The following CTXND1 variants were observed in gnomAD, a reference collection of about 807,000 sequenced individuals.
CTXND1 encodes the protein cortexin domain-containing 1 protein.
intron 1 of CTXND1, among the ~76,000 whole-genome samples, chr15:80,246,190 A>G (rs1193575191): frequency 6.6e-6 from 1 of 152,216 alleles, no homozygotes; most frequent in Non-Finnish European, 1.5e-5. Flanking sequence ...CTCAGCTGTT[A>G]AGCTACTAAA....
At chr15:80,221,539 C>T (rs1004649854) in intron 1 of CTXND1, among the ~76,000 whole-genome samples, 1 of 152,070 alleles carries the variant, frequency 6.6e-6, no homozygotes, top group African/African-American at 2.4e-5. Flanking sequence ...GGTATGATAG[C>T]GCCCCTGCAC....
At chr15:80,214,086 A>G (rs28757709) in intron 1 of CTXND1, among the ~76,000 whole-genome samples, 10 of 152,048 alleles carry the variant, frequency 6.6e-5, no homozygotes, top group Admixed American at 6.5e-5. Flanking sequence ...AATTACCTAT[A>G]GTAAGAGCTT....
At chr15:80,250,598 G>T (rs1595912296) in intron 1 of CTXND1, among the ~76,000 whole-genome samples, 1 of 152,144 alleles carries the variant, frequency 6.6e-6, no homozygotes, top group East Asian at 1.9e-4. Context: ...TGATTACACA[G>T]AATAAATAAA....
intron 1 of CTXND1, among the ~76,000 whole-genome samples, chr15:80,249,628 A>T: frequency 6.6e-6 from 1 of 152,212 alleles, no homozygotes; most frequent in Non-Finnish European, 1.5e-5. Context: ...TGGCTTGCTT[A>T]AGGTCATCTG....
chr15:80,224,480 T>C (rs1364860566), intron 1 of CTXND1, among the ~76,000 whole-genome samples: 1 of 152,234 alleles, frequency 6.6e-6, no homozygotes. Flanking sequence ...TCTATTTAAG[T>C]CTTGAAATCT....
At chr15:80,221,405 C>A (rs541768497) in intron 1 of CTXND1, among the ~76,000 whole-genome samples, 3 of 152,168 alleles carry the variant, frequency 2.0e-5, no homozygotes, top group Admixed American at 2.0e-4. Flanking sequence ...AGAAATATTA[C>A]TAATCTTTCA....
chr15:80,228,034 C>T (rs1164127239), intron 1 of CTXND1, among the ~76,000 whole-genome samples: 1 of 152,226 alleles, frequency 6.6e-6, no homozygotes, highest in Non-Finnish European at 1.5e-5. Flanking sequence ...ATTCTAAATC[C>T]TTGGATGTCA....
intron 1 of CTXND1, among the ~76,000 whole-genome samples, chr15:80,234,214 G>A (rs1893466363): frequency 6.6e-6 from 1 of 152,202 alleles, no homozygotes; most frequent in African/African-American, 2.4e-5. Flanking sequence ...GGAAGGCTTT[G>A]GGGATACGGA....
intron 1 of CTXND1, among the ~76,000 whole-genome samples, chr15:80,216,024 T>C (rs1429992183): frequency 3.9e-5 from 6 of 152,242 alleles, no homozygotes; most frequent in Admixed American, 2.0e-4. Flanking sequence ...CAGAAAGATA[T>C]GTTAGCTATG....
At chr15:80,240,420 T>C (rs1180731271) in intron 1 of CTXND1, among the ~76,000 whole-genome samples, 1 of 152,200 alleles carries the variant, frequency 6.6e-6, no homozygotes, top group Non-Finnish European at 1.5e-5. Context: ...GATTGGAACA[T>C]GGCGTAGGTC....
intron 1 of CTXND1, among the ~76,000 whole-genome samples, chr15:80,232,166 G>A (rs1411424727): frequency 6.6e-6 from 1 of 152,164 alleles, no homozygotes; most frequent in Non-Finnish European, 1.5e-5. Context: ...GATCAATGGA[G>A]AGATGAGGAG....
At chr15:80,217,201 C>T (rs978923491) in intron 1 of CTXND1, among the ~76,000 whole-genome samples, 3 of 152,132 alleles carry the variant, frequency 2.0e-5, no homozygotes, top group Non-Finnish European at 4.4e-5. Flanking sequence ...TGAATAGCAA[C>T]ATATCAAGCC....
intron 1 of CTXND1, among the ~76,000 whole-genome samples, chr15:80,231,055 C>T (rs1015131012): frequency 1.3e-5 from 2 of 149,966 alleles, no homozygotes; most frequent in African/African-American, 2.5e-5. Context: ...AAGATTCCAT[C>T]TCAAAAAAAG....
intron 1 of CTXND1, among the ~76,000 whole-genome samples, chr15:80,233,620 A>T (rs1205222765): frequency 1.3e-5 from 2 of 152,116 alleles, no homozygotes; most frequent in Admixed American, 1.3e-4. Flanking sequence ...GTGAGCTCAG[A>T]GGGCTGGGGG....
chr15:80,240,280 A>AGG (rs60183335), intron 1 of CTXND1, among the ~76,000 whole-genome samples: 1 of 152,114 alleles, frequency 6.6e-6, no homozygotes, highest in Admixed American at 6.5e-5. Flanking sequence ...TACTTTATTA[A>AGG]GGGGGGTCCC....
At position 80,201,913 on chromosome 15, in the gene CTXND1, C is replaced by T. The variant is rs1595902554; in HGVS notation, c.37G>A (p.Val13Ile). Residue 13 changes from valine to isoleucine, a missense_variant, in exon 3 of 3, where the codon GTA (valine) becomes ATA (isoleucine). By Grantham distance (29) the Val-to-Ile change is conservative. Coordinates refer to ENST00000560778, the MANE Select transcript of CTXND1 (RefSeq NM_001352888.2). The stretch of plus-strand genomic sequence containing the variant: ...CAGGCCAAGGTCAGCCCTTTGTCTA[C>T]GTCGACATAGACGGGCTCGGGCGTG... ...EPTPEPVYVD[V>I]DKGLTLACFV... 2 of 398,866 alleles carry T rather than the reference C, an allele frequency of 5.0e-6. No homozygotes were observed. Among genetic ancestry groups the T allele is most frequent in the Non-Finnish European group, 8.8e-6 (2 of 226,198 alleles). The allele number at this position is 398,866 out of a possible 1,614,324, so 24.7% of individuals were successfully genotyped here.
At chr15:80,221,561 C>A (rs531300232) in intron 1 of CTXND1, among the ~76,000 whole-genome samples, 1 of 152,006 alleles carries the variant, frequency 6.6e-6, no homozygotes, top group Non-Finnish European at 1.5e-5. Flanking sequence ...CCAGCCTGGG[C>A]GACAGAGAGA....
At chr15:80,221,191 G>T (rs1191937749) in intron 1 of CTXND1, among the ~76,000 whole-genome samples, 1 of 152,120 alleles carries the variant, frequency 6.6e-6, no homozygotes, top group Admixed American at 6.5e-5. Flanking sequence ...TTACAGGCGT[G>T]AGCCACCACG....
intron 1 of CTXND1, among the ~76,000 whole-genome samples, chr15:80,226,428 C>T (rs922533137): frequency 6.6e-6 from 1 of 152,184 alleles, no homozygotes; most frequent in African/African-American, 2.4e-5. Flanking sequence ...TCAGTATCTG[C>T]TGTAACGGCC....
Sources: gnomAD v4.1 joint callset for allele counts (sites outside exome capture counted in the v4.1 genomes callset) on GRCh38, gnomAD v4.1.1 for gene constraint, MANE v1.5 for transcripts, NCBI Gene and HGNC (gene_info 2026-07-23, HGNC 2026-07-21) for gene names.